Variants in HFM1 observed in about 807,000 individuals in gnomAD.
The protein encoded by HFM1 is probable ATP-dependent DNA helicase HFM1.
In HFM1, 169 loss-of-function variants were observed where a neutral mutation model predicts 192.1. The ratio of observed to expected loss-of-function variants is 0.88; its 90% confidence interval spans 0.78 to 1.00. The LOEUF (loss-of-function observed/expected upper bound fraction) is 1.00, where lower values mean the gene tolerates loss of function less well. Ranked by LOEUF, HFM1 falls within the 50% of genes least tolerant of loss-of-function variation. The probability of loss-of-function intolerance (pLI) is 0.00; values close to 1 mark genes in which losing one functional copy is unlikely to be tolerated. For synonymous variants in HFM1, 525 were observed against 537.8 expected, an observed-to-expected ratio of 0.98 and a Z score of 0.33; for missense variants, 1,661 against 1,668.0, an observed-to-expected ratio of 1.00 and a Z score of 0.07.
chr1:91,332,625 T>C (rs1477889523), intron 20 of HFM1, among the ~76,000 whole-genome samples: 1 of 152,082 alleles, frequency 6.6e-6, no homozygotes, highest in Non-Finnish European at 1.5e-5. Context: ...AAGAACTTTC[T>C]ACACAGCAAA....
chr1:91,263,823 C>T (rs955777920), intron 36 of HFM1, among the ~76,000 whole-genome samples: 1 of 152,180 alleles, frequency 6.6e-6, no homozygotes, highest in Non-Finnish European at 1.5e-5. Context: ...TTCTCAGAGG[C>T]TTCTTGTTAG....
In HFM1 at chr1:91,352,527, A is replaced by G; in HGVS notation, c.1956T>C (p.Ile652=). ...EYSETDILQM[I]GRAGRPQFDT... is the part of the protein sequence containing the mutation. Reference sequence around the variant, plus strand: ...TTACTTGAGGTCGACCAGCTCTACCAATCATCTGTAGAATATCTGTTTCAC... The same window carrying G: ...TTACTTGAGGTCGACCAGCTCTACCGATCATCTGTAGAATATCTGTTTCAC... The change falls in exon 16 of 39, where the codon ATT becomes ATC. Residue 652 remains isoleucine (I), a synonymous_variant. Transcript: ENST00000370425. 1 of 1,601,962 alleles carries G rather than the reference A, an allele frequency of 6.2e-7. No individual in the cohort carries two copies. The highest frequency in any genetic ancestry group is 8.5e-7 in the Non-Finnish European group (1 of 1,174,852).
intron 18 of HFM1, among the ~76,000 whole-genome samples, chr1:91,349,086 G>C (rs905989286): frequency 2.6e-5 from 4 of 152,118 alleles, no homozygotes; most frequent in South Asian, 2.1e-4. Flanking sequence ...TCAGGAGTTT[G>C]AGACCAGCCT....
chr1:91,382,377 C>T (rs1237241160), intron 6 of HFM1, among the ~76,000 whole-genome samples: 2 of 152,078 alleles, frequency 1.3e-5, no homozygotes, highest in Non-Finnish European at 2.9e-5. Context: ...TAGCTTCCTC[C>T]CCACCCTCAT....
chr1:91,324,816 C>CT (rs1437002732), intron 20 of HFM1, 50 bp from the exon 21 acceptor site: 1 of 981,298 alleles, frequency 1.0e-6, no homozygotes, highest in South Asian at 1.3e-5. Flanking sequence ...GCTGAACCAA[C>CT]TGTTTTTTTA....
chr1:91,297,860 T>C (rs557732571), intron 30 of HFM1, among the ~76,000 whole-genome samples: 2 of 152,090 alleles, frequency 1.3e-5, no homozygotes, highest in South Asian at 4.2e-4. Flanking sequence ...GCAGAAAAAC[T>C]GGAAACTCTA....
At chr1:91,352,944 G>A (rs1408078346) in intron 15 of HFM1, 107 bp downstream of exon 15, 2 of 718,590 alleles carry the variant, frequency 2.8e-6, no homozygotes, top group East Asian at 2.7e-5. Flanking sequence ...TATATTCTCA[G>A]AAGAAAAGCA....
At chr1:91,349,620 TGTGA>T (rs147867006) in intron 18 of HFM1, among the ~76,000 whole-genome samples, 2 of 152,290 alleles carry the variant, frequency 1.3e-5, no homozygotes, top group East Asian at 1.9e-4. Context: ...CTTATAGCTC[TGTGA>T]GTGAGACAAT....
intron 6 of HFM1, among the ~76,000 whole-genome samples, chr1:91,381,617 C>T (rs942806630): frequency 3.9e-5 from 6 of 152,046 alleles, no homozygotes; most frequent in Admixed American, 3.9e-4. Flanking sequence ...GGTCTATTGA[C>T]AGATTGGGAG....
chr1:91,319,063 G>A lies in HFM1; in HGVS notation c.2812+15C>T, dbSNP rs759140856. ...GCAGACATGGCCAAACTGCCTGCCT[G>A]TATTCAGTACCTACCAATTTTTTCC... On this transcript the variant is annotated intron_variant, in intron 25 of 38. Transcript: ENST00000370425. 22 of 1,570,158 alleles carry A rather than the reference G, an allele frequency of 1.4e-5. No individual in the cohort carries two copies. Among genetic ancestry groups the A allele is most frequent in the Non-Finnish European group, 1.8e-5 (21 of 1,166,500 alleles).
chr1:91,352,478 T>A, intron 16 of HFM1, 28 bp downstream of exon 16: 2 of 1,517,394 alleles, frequency 1.3e-6, no homozygotes, highest in Non-Finnish European at 1.8e-6. Context: ...TGTTTTTAAG[T>A]ATAAAAAGCA....
chr1:91,302,131 C>G (rs1648873472), intron 30 of HFM1, among the ~76,000 whole-genome samples: 1 of 150,566 alleles, frequency 6.6e-6, no homozygotes, highest in African/African-American at 2.5e-5. Context: ...AGGATATGAA[C>G]AGACACTTCT....
chr1:91,304,773 C>T (rs1161890958), intron 30 of HFM1, among the ~76,000 whole-genome samples: 4 of 152,030 alleles, frequency 2.6e-5, no homozygotes, highest in Admixed American at 2.6e-4. Context: ...GCCACTGCAC[C>T]TGGCGAGTTT....
In HFM1 at chr1:91,264,361, A is replaced by ATTTTTTTTTTT. The variant is rs71087940; in HGVS notation, c.3974+1645_3974+1655dup. On this transcript the variant is annotated intron_variant, in intron 36 of 38. Coordinates refer to ENST00000370425, the MANE Select transcript of HFM1 (RefSeq NM_001017975.6). ...TTCCAAGGGATACCACAAATTTAGT[A>ATTTTTTTTTTT]TTTTTTTTTTTTTTTTTTTTTTTTT... Among the ~76,000 whole-genome samples, 172 of 57,084 alleles carry ATTTTTTTTTTT rather than the reference A, an allele frequency of 3.0e-3. 33 individuals are homozygous for ATTTTTTTTTTT. The highest frequency in any genetic ancestry group is 9.3e-3 in the African/African-American group (118 of 12,660). 37.4% of individuals were successfully genotyped at this position (57,084 alleles called of 152,430 possible). A position where few individuals can be genotyped will look rare whatever the true frequency, so the allele number is the denominator to read the frequency against.
At chr1:91,303,325 C>T (rs1026510045) in intron 30 of HFM1, among the ~76,000 whole-genome samples, 3 of 152,136 alleles carry the variant, frequency 2.0e-5, no homozygotes, top group East Asian at 1.9e-4. Flanking sequence ...AAGGCTCATC[C>T]GTGCTGTAGC....
chr1:91,284,768 T>C (rs1667785379), intron 30 of HFM1, among the ~76,000 whole-genome samples: 2 of 152,220 alleles, frequency 1.3e-5, no homozygotes. Context: ...CATTGCCATA[T>C]ATTAAAAATA....
upstream of HFM1, among the ~76,000 whole-genome samples, chr1:91,405,066 A>C (rs1664735126): frequency 6.6e-6 from 1 of 151,690 alleles, no homozygotes; most frequent in Non-Finnish European, 1.5e-5. Context: ...CTGCTTCTCT[A>C]CCCCCACAAC....
In HFM1 at chr1:91,328,739, G is replaced by A. The variant is rs528994781; in HGVS notation, c.2336-3973C>T. 924 of 1,609,788 alleles carry A rather than the reference G, an allele frequency of 5.7e-4. 10 individuals carry two copies. In the South Asian group the frequency reaches 7.1e-3, roughly 12 times the overall value. ...ACAGCAGGCTCAGGCTGCTGGGGCC[G>A]AGCAGGTGGTGGAAAAATTCACTAA... On this transcript the variant is annotated intron_variant, in intron 20 of 38. Coordinates refer to ENST00000370425, the MANE Select transcript of HFM1 (RefSeq NM_001017975.6).
intron 34 of HFM1, 103 bp downstream of exon 34, chr1:91,273,609 A>G (rs1241640195): frequency 6.8e-6 from 4 of 590,474 alleles, no homozygotes; most frequent in Non-Finnish European, 1.2e-5. Flanking sequence ...CCAAGTTAAT[A>G]ATCATAACAA....
Sources: allele counts gnomAD v4.1 joint callset (sites outside exome capture counted in the v4.1 genomes callset), GRCh38; gene constraint gnomAD v4.1.1; transcripts MANE v1.5; gene names NCBI Gene and HGNC (gene_info 2026-07-23, HGNC 2026-07-21).